Variants in RBMS3 observed in about 807,000 individuals in gnomAD.
RBMS3 encodes RNA-binding motif, single-stranded-interacting protein 3.
A neutral mutation model predicts 66.8 loss-of-function variants in RBMS3; 27 were observed. That is an observed-to-expected ratio of 0.40 (90% CI 0.30 to 0.56). The LOEUF is 0.56. RBMS3 is among the 20% of genes least tolerant of loss of function. The pLI is 0.40. For synonymous variants in RBMS3, 188 were observed against 183.0 expected, an observed-to-expected ratio of 1.03 and a Z score of -0.22; for missense variants, 513 against 549.5, an observed-to-expected ratio of 0.93 and a Z score of 0.66.
intron 1 of RBMS3, among the ~76,000 whole-genome samples, chr3:29,433,308 C>T (rs2125722053): frequency 1.3e-5 from 2 of 152,222 alleles, no homozygotes; most frequent in South Asian, 2.1e-4. Flanking sequence ...TAGCTAAAGA[C>T]TCTTCATCTT....
chr3:29,764,075 A>G (rs577682235), intron 6 of RBMS3, among the ~76,000 whole-genome samples: 69 of 151,642 alleles, frequency 4.6e-4, no homozygotes, highest in Non-Finnish European at 8.1e-4. Context: ...GCATATACAA[A>G]AAGAGAAATA....
At chr3:29,641,943 G>A (rs967034292) in intron 4 of RBMS3, among the ~76,000 whole-genome samples, 1 of 152,012 alleles carries the variant, frequency 6.6e-6, no homozygotes. Context: ...GTCCTCCCAA[G>A]AAAGAGGGAA....
chr3:29,482,856 C>T (rs889235759), intron 2 of RBMS3, among the ~76,000 whole-genome samples: 2 of 151,154 alleles, frequency 1.3e-5, no homozygotes, highest in African/African-American at 2.4e-5. Flanking sequence ...TACAGGTGTG[C>T]ACCACCACGC....
At chr3:29,820,126 T>C (rs6788889) in intron 6 of RBMS3, among the ~76,000 whole-genome samples, 1,691 of 137,666 alleles carry the variant, frequency 0.012, 24 homozygotes, top group African/African-American at 0.043. Context: ...GAGGTGGAGA[T>C]TGCAATGAGC....
intron 1 of RBMS3, among the ~76,000 whole-genome samples, chr3:29,384,090 T>A (rs1240817859): frequency 6.6e-6 from 1 of 152,008 alleles, no homozygotes; most frequent in Non-Finnish European, 1.5e-5. Flanking sequence ...CCAAGCCAGG[T>A]AGATTGTTTT....
intron 14 of RBMS3, among the ~76,000 whole-genome samples, chr3:30,001,991 G>C (rs4680735): frequency 8.6e-5 from 13 of 151,810 alleles, no homozygotes; most frequent in Non-Finnish European, 1.9e-4. Flanking sequence ...TCAGTTCTTT[G>C]AAATGGCAAG....
At chr3:29,770,132 A>G (rs2056132461) in intron 6 of RBMS3, among the ~76,000 whole-genome samples, 2 of 152,066 alleles carry the variant, frequency 1.3e-5, no homozygotes. Flanking sequence ...TTGCCTAATT[A>G]TACTGGAATA....
intron 3 of RBMS3, among the ~76,000 whole-genome samples, chr3:29,577,809 C>T (rs370339465): frequency 5.9e-5 from 9 of 152,276 alleles, no homozygotes; most frequent in African/African-American, 2.2e-4. Flanking sequence ...GGTTTTGATG[C>T]TTCAGGACTG....
chr3:29,849,462 C>G (rs895498670), intron 6 of RBMS3, among the ~76,000 whole-genome samples: 2 of 148,452 alleles, frequency 1.3e-5, no homozygotes, highest in South Asian at 4.3e-4. Context: ...TGCAGTGAGC[C>G]GAGATCACAC....
intron 6 of RBMS3, among the ~76,000 whole-genome samples, chr3:29,820,902 A>G (rs2058061277): frequency 6.6e-6 from 1 of 152,188 alleles, no homozygotes; most frequent in Non-Finnish European, 1.5e-5. Flanking sequence ...CCTGGGCAAC[A>G]AAGCAAGATC....
At chr3:29,368,616 AT>A (rs200535933) in intron 1 of RBMS3, among the ~76,000 whole-genome samples, 1 of 151,930 alleles carries the variant, frequency 6.6e-6, no homozygotes, top group South Asian at 2.1e-4. Flanking sequence ...GAAAAATGAG[AT>A]TTTTTTAGAT....
At chr3:29,825,066 G>A (rs1192720416) in intron 6 of RBMS3, among the ~76,000 whole-genome samples, 11 of 144,682 alleles carry the variant, frequency 7.6e-5, no homozygotes, top group East Asian at 2.0e-4. Context: ...TGACAGTTTC[G>A]CTATTGTTGC....
chr3:30,000,690 C>A (rs1699559752), intron 14 of RBMS3, among the ~76,000 whole-genome samples: 3 of 152,086 alleles, frequency 2.0e-5, no homozygotes, highest in African/African-American at 7.2e-5. Context: ...ATATATACAC[C>A]ATGGAATACC....
chr3:29,994,336 G>A (rs191775275), intron 14 of RBMS3, among the ~76,000 whole-genome samples: 13,102 of 152,230 alleles, frequency 0.086, 964 homozygotes, highest in South Asian at 0.19. Context: ...ACTGCAAGGC[G>A]GCAGTGAGGC....
chr3:29,889,490 T>C (rs2059949324), intron 8 of RBMS3, among the ~76,000 whole-genome samples: 1 of 151,644 alleles, frequency 6.6e-6, no homozygotes, highest in African/African-American at 2.4e-5. Flanking sequence ...TGTGCAATTA[T>C]GGACCCATTG....
At chr3:29,895,678 A>G (rs145593822) in intron 8 of RBMS3, among the ~76,000 whole-genome samples, 220 of 151,730 alleles carry the variant, frequency 1.4e-3, no homozygotes, top group Middle Eastern at 0.014. Context: ...GCAAGCATGA[A>G]TAAAGTCTGT....
chr3:29,433,647 A>G (rs1326341229), intron 1 of RBMS3, among the ~76,000 whole-genome samples: 1 of 152,200 alleles, frequency 6.6e-6, no homozygotes, highest in Non-Finnish European at 1.5e-5. Context: ...TAAAGGTCAC[A>G]TAGCCAGTAA....
chr3:29,816,814 G>A (rs1476607409), intron 6 of RBMS3, among the ~76,000 whole-genome samples: 1 of 152,114 alleles, frequency 6.6e-6, no homozygotes, highest in Non-Finnish European at 1.5e-5. Flanking sequence ...CAAATAGGTT[G>A]GGTGTGGTGG....
chr3:29,993,024 G>C (rs958705575), intron 14 of RBMS3, among the ~76,000 whole-genome samples: 2 of 152,110 alleles, frequency 1.3e-5, no homozygotes, highest in African/African-American at 4.8e-5. Flanking sequence ...TAAGAGATTT[G>C]TTTGTTAGAT....
Sources: gnomAD v4.1 joint callset for allele counts (sites outside exome capture counted in the v4.1 genomes callset) on GRCh38, gnomAD v4.1.1 for gene constraint, MANE v1.5 for transcripts, NCBI Gene and HGNC (gene_info 2026-07-23, HGNC 2026-07-21) for gene names.